PXDNL: variants seen among roughly 807,000 people sequenced by gnomAD.
The protein encoded by PXDNL is peroxidasin like.
In PXDNL, 145 loss-of-function variants were observed where a neutral mutation model predicts 150.8. That is an observed-to-expected ratio of 0.96 (90% CI 0.84 to 1.10). The LOEUF is 1.10. Among genes scored for constraint, PXDNL ranks in the 50% least tolerant of loss-of-function variants. The pLI, the probability that PXDNL is intolerant of heterozygous loss-of-function variation, is 0.00. For synonymous variants in PXDNL, 757 were observed against 725.7 expected (o/e 1.04, Z -0.69); for missense variants, 2,087 against 1,873.9 (o/e 1.11, Z -2.10).
In PXDNL at chr8:51,788,270, G is replaced by C. The variant is rs78935259; in HGVS notation, c.164+20911C>G. 2.6e-5 allele frequency among the ~76,000 whole-genome samples: 4 copies of C among 152,252 alleles called. No homozygotes were observed. In the East Asian group the frequency reaches 7.7e-4, roughly 29 times the overall value. On this transcript the variant is annotated intron_variant, in intron 1 of 22. Coordinates refer to ENST00000356297, the MANE Select transcript of PXDNL (RefSeq NM_144651.5). ...TTTGAGGACCATTAATGATTTTGAG[G>C]ACCAGGAGATATTCCTCCTCTGGAG...
At chr8:51,327,747 G>T (rs1805558657) in intron 21 of PXDNL, among the ~76,000 whole-genome samples, 1 of 152,198 alleles carries the variant, frequency 6.6e-6, no homozygotes, top group African/African-American at 2.4e-5. Context: ...TCCAGCATTA[G>T]TTCCAGCATG....
rs1185325235 is a variant in PXDNL, at chr8:51,449,132, A to T, written c.1250-14T>A. ...ATTGTGGAGGAGCTAAAGAGAATGA[A>T]ACATACATCAAAATTGAAAATTATT... On this transcript the variant is annotated splice_polypyrimidine_tract_variant and intron_variant, in intron 10 of 22. Transcript: ENST00000356297. The T allele has an allele frequency of 2.2e-6, 3 of 1,369,834 alleles. No homozygotes were observed. The highest frequency in any genetic ancestry group is 3.0e-6 in the Non-Finnish European group (3 of 1,000,680). 84.9% of individuals were successfully genotyped at this position (1,369,834 alleles called of 1,614,324 possible).
At chr8:51,786,311 C>T (rs4873603) in intron 1 of PXDNL, among the ~76,000 whole-genome samples, 104,175 of 151,976 alleles carry the variant, frequency 0.69, 42,573 homozygotes, top group Non-Finnish European at 0.91. Flanking sequence ...TGAGCTCCAG[C>T]GATTCTCCTG....
At chr8:51,368,014 G>C (rs1456527677) in intron 19 of PXDNL, among the ~76,000 whole-genome samples, 1 of 152,152 alleles carries the variant, frequency 6.6e-6, no homozygotes, top group Non-Finnish European at 1.5e-5. Flanking sequence ...TGTAATCCCA[G>C]CTACTTGGGA....
chr8:51,682,409 A>G (rs1013722891), intron 1 of PXDNL, among the ~76,000 whole-genome samples: 1 of 152,130 alleles, frequency 6.6e-6, no homozygotes, highest in Non-Finnish European at 1.5e-5. Context: ...TCCTCCTGCG[A>G]GTGCTGAGGA....
At chr8:51,435,376 T>TGTTC (rs1208586293) in intron 12 of PXDNL, among the ~76,000 whole-genome samples, 1 of 151,032 alleles carries the variant, frequency 6.6e-6, no homozygotes, top group Non-Finnish European at 1.5e-5. Context: ...TGTTTTTGTT[T>TGTTC]GTTTGTTTGT....
intron 1 of PXDNL, among the ~76,000 whole-genome samples, chr8:51,717,796 T>G (rs1816645186): frequency 6.6e-6 from 1 of 152,134 alleles, no homozygotes. Flanking sequence ...GATGAGTATT[T>G]GTGGTCAGGC....
rs570090101 is a variant in PXDNL at position 51,763,646 on chromosome 8, T to C, written c.164+45535A>G. Among the ~76,000 whole-genome samples the C allele has an allele frequency of 2.6e-5, 4 of 152,298 alleles. No homozygotes were observed. In the South Asian group the frequency reaches 8.3e-4, roughly 32 times the overall value. The stretch of plus-strand genomic sequence containing the variant: ...CTTTCGTTCCCGCTCTAAAGCTTTT[T>C]AATAAACTTCCATTCCTGCTCTGAA... On this transcript the variant is annotated intron_variant, in intron 1 of 22. Coordinates refer to ENST00000356297, the MANE Select transcript of PXDNL (RefSeq NM_144651.5).
rs911264903 is a variant in PXDNL, at chr8:51,644,000, G to T, written c.236+10689C>A. 1.3e-4 allele frequency among the ~76,000 whole-genome samples: 19 copies of T among 151,518 alleles called. 1 individual carries two copies. Among genetic ancestry groups the T allele is most frequent in the Admixed American group, 1.1e-3 (17 of 15,174 alleles). On this transcript the variant is annotated intron_variant, in intron 2 of 22. Transcript: ENST00000356297. ...TCTCTACTAAAAATACAAAAAATTA[G>T]CCGGGCATGGTGGCAGGCACCTGTA...
intron 17 of PXDNL, among the ~76,000 whole-genome samples, chr8:51,379,530 T>A (rs999823055): frequency 3.3e-5 from 5 of 152,154 alleles, no homozygotes; most frequent in Non-Finnish European, 7.4e-5. Flanking sequence ...ATTGGGTTTT[T>A]TTTTCTTACT....
At chr8:51,424,793 C>T (rs1809048228) in intron 13 of PXDNL, among the ~76,000 whole-genome samples, 1 of 152,174 alleles carries the variant, frequency 6.6e-6, no homozygotes, top group Admixed American at 6.5e-5. Flanking sequence ...CCAGCTATGG[C>T]CAATAGGCCA....
chr8:51,725,443 AC>A (rs1419432075), intron 1 of PXDNL, among the ~76,000 whole-genome samples: 1 of 152,246 alleles, frequency 6.6e-6, no homozygotes, highest in African/African-American at 2.4e-5. Flanking sequence ...CGTGTTTCTA[AC>A]ACCACTTATT....
rs758419372 is a variant in PXDNL at position 51,409,150 on chromosome 8, C to T, written c.2474G>A (p.Arg825His). ...GCTGCACGGCCGCCCATCCGAGAAG[C>T]GGGCTGTGCTCAGCGCAGGCACTGT... ...DHTVPALSTA[R>H]FSDGRPCSSV... The change falls in exon 17 of 23, where the codon CGC (arginine) becomes CAC (histidine). Residue 825 changes from arginine (R) to histidine (H), a missense_variant. By Grantham distance (29) the Arg-to-His change is conservative. Transcript: ENST00000356297. 3.7e-6 allele frequency: 6 copies of T among 1,602,966 alleles called. No homozygotes were observed. In the African/African-American group the frequency reaches 5.3e-5, roughly 14 times the overall value.
chr8:51,699,775 T>C (rs1816212743), intron 1 of PXDNL, among the ~76,000 whole-genome samples: 1 of 152,142 alleles, frequency 6.6e-6, no homozygotes, highest in Non-Finnish European at 1.5e-5. Context: ...AATTTCAATA[T>C]CATGTCTTAA....
intron 18 of PXDNL, 49 bp downstream of exon 18, chr8:51,374,548 C>G (rs1209644087): frequency 6.3e-7 from 1 of 1,596,610 alleles, no homozygotes; most frequent in Non-Finnish European, 8.6e-7. Flanking sequence ...CATTTTGGGT[C>G]AAAAACAACT....
chr8:51,462,450 A>T (rs1198855161), intron 8 of PXDNL, among the ~76,000 whole-genome samples: 1 of 152,204 alleles, frequency 6.6e-6, no homozygotes, highest in East Asian at 1.9e-4. Flanking sequence ...TTAAGAAAGA[A>T]CCAAATTGAA....
At chr8:51,762,254 GA>G (rs2037173408) in intron 1 of PXDNL, among the ~76,000 whole-genome samples, 3 of 152,106 alleles carry the variant, frequency 2.0e-5, no homozygotes, top group Admixed American at 1.3e-4. Context: ...ATGAGACAAG[GA>G]AAAAATATTT....
chr8:51,436,093 T>G (rs1210074426), intron 12 of PXDNL: 2 of 513,772 alleles, frequency 3.9e-6, no homozygotes, highest in African/African-American at 3.9e-5. Context: ...GAAAGGTTCT[T>G]GCCCCTTTTG....
intron 1 of PXDNL, among the ~76,000 whole-genome samples, chr8:51,777,910 A>G (rs907864133): frequency 6.6e-6 from 1 of 152,182 alleles, no homozygotes; most frequent in Non-Finnish European, 1.5e-5. Flanking sequence ...TCTCAAAAAC[A>G]AAACAAAACA....
Sources: gnomAD v4.1 joint callset for allele counts (sites outside exome capture counted in the v4.1 genomes callset) on GRCh38, gnomAD v4.1.1 for gene constraint, MANE v1.5 for transcripts, NCBI Gene and HGNC (gene_info 2026-07-23, HGNC 2026-07-21) for gene names.